The following PTPRT variants were observed in gnomAD, a reference collection of about 807,000 sequenced individuals.
PTPRT encodes protein tyrosine phosphatase receptor type T, also known as receptor-type tyrosine-protein phosphatase T.
In PTPRT, 56 loss-of-function variants were observed where a neutral mutation model predicts 176.8. The observed-to-expected ratio is 0.32, with a 90% CI of 0.26 to 0.40. PTPRT has a LOEUF of 0.40. Ranked by LOEUF, PTPRT falls within the 10% of genes least tolerant of loss-of-function variation. The pLI is 1.00. For synonymous variants in PTPRT, 783 were observed against 739.0 expected, an observed-to-expected ratio of 1.06 and a Z score of -0.96; for missense variants, 1,540 against 1,908.2, an observed-to-expected ratio of 0.81 and a Z score of 3.60.
chr20:42,882,950 G>A (rs1421183360), intron 2 of PTPRT, among the ~76,000 whole-genome samples: 1 of 152,232 alleles, frequency 6.6e-6, no homozygotes, highest in Non-Finnish European at 1.5e-5. Flanking sequence ...CCCGAGGCAG[G>A]AGAGAGTCAG....
At chr20:42,426,233 A>G (rs2059162597) in intron 9 of PTPRT, among the ~76,000 whole-genome samples, 1 of 152,020 alleles carries the variant, frequency 6.6e-6, no homozygotes, top group Non-Finnish European at 1.5e-5. Context: ...TCCTGTACCC[A>G]TATAAAACCC....
intron 9 of PTPRT, among the ~76,000 whole-genome samples, chr20:42,409,649 T>A (rs181077703): frequency 4.6e-5 from 7 of 152,344 alleles, no homozygotes; most frequent in African/African-American, 1.7e-4. Context: ...GTTTCTGATG[T>A]AGTTTTAGAA....
rs190402618 is a variant in PTPRT at position 43,008,716 on chromosome 20, C to A, written c.89-122784G>T. Among the ~76,000 whole-genome samples the A allele has an allele frequency of 1.7e-4, 26 of 152,166 alleles. No homozygotes were observed. In the East Asian group the frequency reaches 4.6e-3, roughly 27 times the overall value. On this transcript the variant is annotated intron_variant, in intron 1 of 30. Coordinates refer to ENST00000373187, the MANE Select transcript of PTPRT (RefSeq NM_007050.6). ...AAAAAACAAAACAAAAAAAGAACTA[C>A]GAGAAATAAATTTCTGTTGTTTATA... is the stretch of plus-strand genomic sequence containing the variant.
At chr20:42,984,104 A>G (rs1433659861) in intron 1 of PTPRT, among the ~76,000 whole-genome samples, 1 of 152,252 alleles carries the variant, frequency 6.6e-6, no homozygotes, top group African/African-American at 2.4e-5. Flanking sequence ...GTTAATAGGC[A>G]TGCATTTATC....
chr20:42,085,724 T>C lies in PTPRT; in HGVS notation c.3972+4A>G, dbSNP rs1983822749. 1 of 1,613,654 alleles carries C rather than the reference T, an allele frequency of 6.2e-7. No individual in the cohort carries two copies. Among genetic ancestry groups the C allele is most frequent in the Non-Finnish European group, 8.5e-7 (1 of 1,180,004 alleles). On this transcript the variant is annotated splice_donor_region_variant and intron_variant, in intron 28 of 30. Coordinates refer to ENST00000373187, the MANE Select transcript of PTPRT (RefSeq NM_007050.6). ...TCAGCAAGCAATGGCGGCCGTGTAC[T>C]TACCCGGGCCATGTTACAGATGCGG... is the stretch of plus-strand genomic sequence containing the variant.
intron 11 of PTPRT, 74 bp downstream of exon 11, chr20:42,350,554 C>T: frequency 8.1e-7 from 1 of 1,231,782 alleles, no homozygotes; most frequent in South Asian, 1.2e-5. Context: ...CATTGCCAGT[C>T]ACATGATTCA....
At chr20:42,531,559 C>T (rs145436097) in intron 7 of PTPRT, among the ~76,000 whole-genome samples, 5 of 152,334 alleles carry the variant, frequency 3.3e-5, no homozygotes, top group South Asian at 2.1e-4. Flanking sequence ...GGCTGCCAGG[C>T]GCCCTTGGCT....
chr20:42,190,355 C>T (rs951042235), intron 16 of PTPRT, among the ~76,000 whole-genome samples: 16 of 152,154 alleles, frequency 1.1e-4, no homozygotes, highest in East Asian at 3.9e-4. Context: ...ATCAAAGATA[C>T]GGTTGAGATT....
intron 6 of PTPRT, among the ~76,000 whole-genome samples, chr20:42,739,680 A>T (rs999569527): frequency 2.0e-5 from 3 of 152,202 alleles, no homozygotes; most frequent in Admixed American, 6.5e-5. Context: ...TTAGTTCTAA[A>T]ATGGGTTTCC....
At chr20:42,125,695 T>C (rs1376069201) in intron 19 of PTPRT, among the ~76,000 whole-genome samples, 1 of 152,218 alleles carries the variant, frequency 6.6e-6, no homozygotes, top group African/African-American at 2.4e-5. Context: ...TTAGCAGTTG[T>C]AGAGATTAAC....
chr20:42,609,159 C>G (rs1234123936), intron 7 of PTPRT, among the ~76,000 whole-genome samples: 1 of 152,060 alleles, frequency 6.6e-6, no homozygotes, highest in Non-Finnish European at 1.5e-5. Context: ...CTGCAACCTC[C>G]ACCTCCTGGG....
chr20:42,665,761 C>T (rs1158121874), intron 7 of PTPRT, among the ~76,000 whole-genome samples: 5 of 152,098 alleles, frequency 3.3e-5, no homozygotes, highest in East Asian at 3.9e-4. Context: ...TACTATGCAG[C>T]CATAAAAAAT....
chr20:42,911,522 A>AT (rs1349951554), intron 1 of PTPRT, among the ~76,000 whole-genome samples: 3 of 152,150 alleles, frequency 2.0e-5, no homozygotes, highest in African/African-American at 4.8e-5. Flanking sequence ...ACAGCATTGC[A>AT]TTTTTTGGTG....
intron 6 of PTPRT, among the ~76,000 whole-genome samples, chr20:42,736,017 G>T (rs2076534341): frequency 6.6e-6 from 1 of 152,138 alleles, no homozygotes; most frequent in Non-Finnish European, 1.5e-5. Context: ...ACACATCAAA[G>T]AACTATTTGA....
intron 2 of PTPRT, among the ~76,000 whole-genome samples, chr20:42,837,165 G>A (rs994055395): frequency 1.7e-4 from 26 of 152,186 alleles, no homozygotes; most frequent in African/African-American, 5.8e-4. Context: ...CTGGGGGTGG[G>A]CCCTGGATTC....
intron 2 of PTPRT, among the ~76,000 whole-genome samples, chr20:42,883,093 G>A (rs1165373314): frequency 2.0e-5 from 3 of 152,220 alleles, no homozygotes; most frequent in African/African-American, 7.2e-5. Context: ...GGTCTTTCCT[G>A]GAGCAATGAG....
At chr20:43,032,740 C>A (rs182312520) in intron 1 of PTPRT, among the ~76,000 whole-genome samples, 8 of 152,116 alleles carry the variant, frequency 5.3e-5, no homozygotes, top group African/African-American at 1.9e-4. Flanking sequence ...TTCCCTCCTA[C>A]ATTTTCAAGT....
intron 1 of PTPRT, among the ~76,000 whole-genome samples, chr20:43,161,284 T>C (rs1189625857): frequency 6.6e-6 from 1 of 152,146 alleles, no homozygotes; most frequent in African/African-American, 2.4e-5. Context: ...AGCTTTCTGC[T>C]TGCGTTTTTC....
In PTPRT at chr20:42,879,021, T is replaced by G. The variant is rs1346795688; in HGVS notation, c.214+6786A>C. On this transcript the variant is annotated intron_variant, in intron 2 of 30. Transcript: ENST00000373187. ...TCCAGCCCTGGCGACCGAGCGAGAC[T>G]CCATCTCAAAAAAACAAAACAAAAC... 6.6e-5 allele frequency among the ~76,000 whole-genome samples: 10 copies of G among 152,140 alleles called. No homozygotes were observed. In the East Asian group the frequency reaches 1.9e-3, roughly 29 times the overall value.
Sources: gnomAD v4.1 joint callset for allele counts (sites outside exome capture counted in the v4.1 genomes callset) on GRCh38, gnomAD v4.1.1 for gene constraint, MANE v1.5 for transcripts, NCBI Gene and HGNC (gene_info 2026-07-23, HGNC 2026-07-21) for gene names.